Variants in SP1 observed in about 807,000 individuals in gnomAD.
SP1 encodes the protein transcription factor Sp1.
A neutral mutation model predicts 66.3 loss-of-function variants in SP1; 6 were observed. That is an observed-to-expected ratio of 0.09 (90% CI 0.05 to 0.18). The LOEUF (loss-of-function observed/expected upper bound fraction) is 0.18. Ranked by LOEUF, SP1 falls within the 10% of genes least tolerant of loss-of-function variation. The pLI is 1.00. For synonymous variants in SP1, 417 were observed against 360.8 expected (o/e 1.16, Z -1.77); for missense variants, 848 against 964.5 (o/e 0.88, Z 1.60).
Position 53,415,495 on chromosome 12 carries a change from A to G in SP1, c.*4255A>G, listed in dbSNP as rs1178980892. The G allele has an allele frequency of 6.6e-6, 1 of 152,320 alleles. No homozygotes were observed. Among genetic ancestry groups the G allele is most frequent in the Non-Finnish European group, 1.5e-5 (1 of 68,014 alleles). The allele number at this position is 152,320 out of a possible 1,614,324, so 9.4% of individuals were successfully genotyped here. On this transcript the variant is annotated 3_prime_UTR_variant, in exon 6 of 6. Coordinates refer to ENST00000327443, the MANE Select transcript of SP1 (RefSeq NM_138473.3). ...CCAAACCCAGAAAGATTTTCTCCAC[A>G]GTGTTCATTTGAAAGAGGAGTATTT...
At chr12:53,396,465 G>T (rs1229733033) in intron 3 of SP1, among the ~76,000 whole-genome samples, 1 of 150,952 alleles carries the variant, frequency 6.6e-6, no homozygotes, top group Non-Finnish European at 1.5e-5. Context: ...CTACTCAGGA[G>T]GCTGAGGCAA....
rs945409171 is a variant in SP1, at chr12:53,413,561, C to G, written c.*2321C>G. On this transcript the variant is annotated 3_prime_UTR_variant, in exon 6 of 6. Transcript: ENST00000327443. The stretch of plus-strand genomic sequence containing the variant: ...CTCAGGAACTATGGCAAGGAACTTT[C>G]CCCAGATCAAATTCTATTAACGCTG... 6.6e-6 allele frequency: 1 copy of G among 152,608 alleles called. No individual in the cohort carries two copies. The highest frequency in any genetic ancestry group is 2.4e-5 in the African/African-American group (1 of 41,438). The allele number at this position is 152,608 out of a possible 1,614,324, so 9.5% of individuals were successfully genotyped here. A position where few individuals can be genotyped will look rare whatever the true frequency, so the allele number is the denominator to read the frequency against.
Position 53,382,336 on chromosome 12 carries a change from G to C in SP1, c.389G>C (p.Gly130Ala). The C allele has an allele frequency of 3.1e-6, 5 of 1,614,194 alleles. No individual in the cohort carries two copies. Among genetic ancestry groups the C allele is most frequent in the Non-Finnish European group, 4.2e-6 (5 of 1,180,020 alleles). ...SKEQSGSSTN[G>A]SNGSESSKNR... is the part of the protein sequence containing the mutation. ...GAACAGAGTGGCAGCAGTACCAATGGCAGCAATGGCAGTGAGTCTTCCAAG... is the reference window on the plus strand; with the variant it reads ...GAACAGAGTGGCAGCAGTACCAATGCCAGCAATGGCAGTGAGTCTTCCAAG... Residue 130 changes from glycine to alanine, a missense_variant, in exon 3 of 6, where the codon GGC becomes GCC. By Grantham distance (60) the Gly-to-Ala change is moderately conservative (BLOSUM62 0). Transcript: ENST00000327443.
rs1938149407 is a variant in SP1, at chr12:53,383,204, A to G, written c.1257A>G (p.Pro419=). ...CCCTCCAGGCCCTCCAAGCAGCACCATTGTCAGGGCAGACCTTTACAACTC... is the reference window on the plus strand; with the variant it reads ...CCCTCCAGGCCCTCCAAGCAGCACCGTTGTCAGGGCAGACCTTTACAACTC... ...GQALQALQAA[P]LSGQTFTTQA... Residue 419 remains proline (P), a synonymous_variant, in exon 3 of 6, where the codon CCA becomes CCG. Transcript: ENST00000327443. The G allele has an allele frequency of 2.5e-6, 4 of 1,614,172 alleles. No individual in the cohort carries two copies. The highest frequency in any genetic ancestry group is 3.4e-6 in the Non-Finnish European group (4 of 1,180,030).
At chr12:53,382,023 T>C (rs1056856182) in intron 2 of SP1, 87 bp from the exon 3 acceptor site, 1 of 1,331,244 alleles carries the variant, frequency 7.5e-7, no homozygotes, top group Non-Finnish European at 1.0e-6. Flanking sequence ...TTGTCTGCAC[T>C]ACGTTGCTGT....
At chr12:53,404,068 G>GGCT (rs924598738) in intron 3 of SP1, among the ~76,000 whole-genome samples, 10 of 151,996 alleles carry the variant, frequency 6.6e-5, no homozygotes, top group African/African-American at 2.4e-4. Context: ...CTACTAGGGA[G>GGCT]GCTGAGGCAG....
chr12:53,409,564 G>A lies in SP1; in HGVS notation c.2044+3G>A, dbSNP rs1938831675. 6.2e-7 allele frequency: 1 copy of A among 1,612,736 alleles called. No individual in the cohort carries two copies. Among genetic ancestry groups the A allele is most frequent in the Non-Finnish European group, 8.5e-7 (1 of 1,178,754 alleles). On this transcript the variant is annotated splice_donor_region_variant and intron_variant, in intron 5 of 5. Coordinates refer to ENST00000327443, the MANE Select transcript of SP1 (RefSeq NM_138473.3). ...GAGGCACAAACGTACACACACAGGT[G>A]AGCAAGAGCCTATGGGAGAGAAAAA... is the stretch of plus-strand genomic sequence containing the variant.
In SP1 at chr12:53,411,748, G is replaced by A. The variant is rs1252235887; in HGVS notation, c.*508G>A. Reference sequence around the variant, plus strand: ...ACCATTCTGTGACCAAAATACCTTGGTCATTTTTTTTATATTGCCTTATTT... The same window carrying A: ...ACCATTCTGTGACCAAAATACCTTGATCATTTTTTTTATATTGCCTTATTT... On this transcript the variant is annotated 3_prime_UTR_variant, in exon 6 of 6. Transcript: ENST00000327443. The A allele has an allele frequency of 6.6e-6, 1 of 151,308 alleles. No individual in the cohort carries two copies. 9.4% of individuals were successfully genotyped at this position (151,308 alleles called of 1,614,324 possible).
chr12:53,394,511 G>T (rs1299049903), intron 3 of SP1, among the ~76,000 whole-genome samples: 7 of 149,022 alleles, frequency 4.7e-5, no homozygotes, highest in African/African-American at 1.7e-4. Flanking sequence ...GGATCAAGTG[G>T]GTCTGCTTCA....
rs1938154847 is a variant in SP1, at chr12:53,383,430, A to C, written c.1483A>C (p.Thr495Pro). 6.2e-7 allele frequency: 1 copy of C among 1,614,084 alleles called. No individual in the cohort carries two copies. The highest frequency in any genetic ancestry group is 1.3e-5 in the African/African-American group (1 of 74,932). The change falls in exon 3 of 6, where the codon ACC (threonine) becomes CCC (proline). Residue 495 changes from threonine (T) to proline (P), a missense_variant. Thr to Pro is a conservative substitution (Grantham distance 38). Coordinates refer to ENST00000327443, the MANE Select transcript of SP1 (RefSeq NM_138473.3). The stretch of plus-strand genomic sequence containing the variant: ...AATGCAGGGTGTTTCCTTGGGGCAG[A>C]CCAGCAGCAGCAACACCACTCTCAC... ...APMQGVSLGQ[T>P]SSSNTTLTPI... is the part of the protein sequence containing the mutation.
intron 3 of SP1, among the ~76,000 whole-genome samples, chr12:53,402,183 G>A (rs1028322486): frequency 2.7e-5 from 4 of 147,314 alleles, no homozygotes; most frequent in Admixed American, 6.8e-5. Context: ...AATCTCAGAC[G>A]TTCTGATTAA....
intron 3 of SP1, among the ~76,000 whole-genome samples, chr12:53,390,637 C>G (rs1044390942): frequency 1.3e-5 from 2 of 151,712 alleles, no homozygotes; most frequent in African/African-American, 4.8e-5. Flanking sequence ...GAGCCGGGAT[C>G]GCACCACTGC....
At chr12:53,408,732 C>G (rs1364880120) in intron 4 of SP1, among the ~76,000 whole-genome samples, 1 of 150,818 alleles carries the variant, frequency 6.6e-6, no homozygotes, top group Non-Finnish European at 1.5e-5. Context: ...TGGTGAAACC[C>G]CGTCTCTACT....
At chr12:53,394,931 A>G (rs963443951) in intron 3 of SP1, among the ~76,000 whole-genome samples, 24 of 151,570 alleles carry the variant, frequency 1.6e-4, no homozygotes, top group Admixed American at 1.1e-3. Flanking sequence ...AGGTCTTTCT[A>G]TGTTGCCTAG....
chr12:53,404,542 CAA>C (rs373558863), intron 3 of SP1, among the ~76,000 whole-genome samples: 19 of 95,770 alleles, frequency 2.0e-4, no homozygotes, highest in Admixed American at 2.2e-4. Context: ...AACTCAGTCT[CAA>C]AAAAAAAAAA....
intron 1 of SP1, chr12:53,380,651 G>A: frequency 6.1e-6 from 6 of 988,400 alleles, no homozygotes; most frequent in Non-Finnish European, 7.2e-6. Context: ...CGAAGGCCCC[G>A]CCCGGGCCAA....
At chr12:53,382,050 GC>G in intron 2 of SP1, 59 bp from the exon 3 acceptor site, 1 of 1,504,962 alleles carries the variant, frequency 6.6e-7, no homozygotes, top group African/African-American at 1.4e-5. Context: ...GTTGTATACT[GC>G]CCCCTAGGCT....
intron 3 of SP1, among the ~76,000 whole-genome samples, chr12:53,392,975 G>A (rs910017429): frequency 3.3e-5 from 5 of 151,520 alleles, no homozygotes; most frequent in Admixed American, 6.6e-5. Context: ...CAGGTGGCCC[G>A]CCACCATGCC....
chr12:53,411,301 A>G lies in SP1; in HGVS notation c.*61A>G. 7.3e-7 allele frequency: 1 copy of G among 1,364,582 alleles called. No homozygotes were observed. Among genetic ancestry groups the G allele is most frequent in the African/African-American group, 1.4e-5 (1 of 69,806 alleles). The allele number at this position is 1,364,582 out of a possible 1,614,324, so 84.5% of individuals were successfully genotyped here. A position where few individuals can be genotyped will look rare whatever the true frequency, so the allele number is the denominator to read the frequency against. On this transcript the variant is annotated 3_prime_UTR_variant, in exon 6 of 6. Transcript: ENST00000327443. ...ACCCCTTAACCCCGGGATGCAAGGT[A>G]GCATGGGTCCAAGAGACATGGAAGA...
Sources: gnomAD v4.1 joint callset for allele counts (sites outside exome capture counted in the v4.1 genomes callset) on GRCh38, gnomAD v4.1.1 for gene constraint, MANE v1.5 for transcripts, NCBI Gene and HGNC (gene_info 2026-07-23, HGNC 2026-07-21) for gene names.